MAPK10: variants seen among roughly 807,000 people sequenced by gnomAD.
MAPK10 encodes mitogen-activated protein kinase 10.
Under a neutral mutation model 59.3 loss-of-function variants are expected in MAPK10, and 25 were observed. The observed-to-expected ratio is 0.42, with a 90% confidence interval of 0.31 to 0.59. MAPK10 has a LOEUF of 0.59. Ranked by LOEUF, MAPK10 falls within the 20% of genes least tolerant of loss-of-function variation. The pLI is 0.15. For synonymous variants in MAPK10, 190 were observed against 200.5 expected, an observed-to-expected ratio of 0.95 and a Z score of 0.44; for missense variants, 351 against 568.9, an observed-to-expected ratio of 0.62 and a Z score of 3.90.
At chr4:86,116,440 T>TA (rs1305476405) in intron 4 of MAPK10, among the ~76,000 whole-genome samples, 1 of 152,254 alleles carries the variant, frequency 6.6e-6, no homozygotes, top group African/African-American at 2.4e-5. Flanking sequence ...GCCTGACTGT[T>TA]ACATCTTTCA....
chr4:86,387,148 T>C (rs1204077586), intron 1 of MAPK10, among the ~76,000 whole-genome samples: 1 of 152,160 alleles, frequency 6.6e-6, no homozygotes, highest in African/African-American at 2.4e-5. Flanking sequence ...ATGCACTTCA[T>C]GGCTGGAAAT....
chr4:86,406,234 A>C (rs547995344), intron 1 of MAPK10, among the ~76,000 whole-genome samples: 13 of 152,292 alleles, frequency 8.5e-5, no homozygotes, highest in Admixed American at 6.5e-5. Context: ...TGGCCCCTTG[A>C]CTACCTTCAC....
intron 9 of MAPK10, among the ~76,000 whole-genome samples, chr4:86,074,329 G>A (rs1418112540): frequency 6.7e-6 from 1 of 148,734 alleles, no homozygotes; most frequent in Non-Finnish European, 1.5e-5. Context: ...CACACTGATG[G>A]ATCTTGACTC....
chr4:86,066,957 A>T (rs2046868572), intron 10 of MAPK10, among the ~76,000 whole-genome samples: 1 of 152,108 alleles, frequency 6.6e-6, no homozygotes, highest in Admixed American at 6.6e-5. Context: ...AACACAGTAG[A>T]ATACATTCTT....
intron 2 of MAPK10, among the ~76,000 whole-genome samples, chr4:86,246,488 A>G (rs1367113266): frequency 1.3e-5 from 2 of 152,212 alleles, no homozygotes; most frequent in Admixed American, 1.3e-4. Flanking sequence ...AAAAACTTAT[A>G]TAATGAACAT....
chr4:86,187,756 C>A lies in MAPK10; in HGVS notation c.66+6580G>T, dbSNP rs1472268325. On this transcript the variant is annotated intron_variant, in intron 3 of 13. Coordinates refer to ENST00000641462, the MANE Select transcript of MAPK10 (RefSeq NM_138982.4). ...TAGAAACTAAACACCTATTCACTTC[C>A]ATTTCCTAAACTACTTTTTTAAAAA... is the stretch of plus-strand genomic sequence containing the variant. 2.0e-5 allele frequency among the ~76,000 whole-genome samples: 3 copies of A among 152,044 alleles called. No individual in the cohort carries two copies. The East Asian group carries it at 5.8e-4, about 29-fold the overall frequency.
intron 2 of MAPK10, among the ~76,000 whole-genome samples, chr4:86,324,665 A>G (rs2095981192): frequency 6.6e-6 from 1 of 152,208 alleles, no homozygotes. Flanking sequence ...TTCTATCTCT[A>G]TAAACCTGAG....
intron 1 of MAPK10, among the ~76,000 whole-genome samples, chr4:86,541,947 G>GCACA (rs10555824): frequency 0.035 from 4,882 of 140,420 alleles, 103 homozygotes; most frequent in African/African-American, 0.065. Context: ...GAATACACCG[G>GCACA]CACACACACA....
chr4:86,177,336 G>C (rs549851708), intron 3 of MAPK10, among the ~76,000 whole-genome samples: 12 of 152,116 alleles, frequency 7.9e-5, no homozygotes, highest in Non-Finnish European at 1.2e-4. Flanking sequence ...ACATTATGCA[G>C]GTTTTTCCTT....
chr4:86,101,844 C>T (rs778002962), intron 7 of MAPK10, 50 bp downstream of exon 7: 7 of 1,592,204 alleles, frequency 4.4e-6, no homozygotes, highest in Non-Finnish European at 4.3e-6. Flanking sequence ...TCTACAGTTA[C>T]TCTTCCTCTT....
chr4:86,485,427 C>T (rs1294910313), intron 1 of MAPK10, among the ~76,000 whole-genome samples: 1 of 152,176 alleles, frequency 6.6e-6, no homozygotes, highest in Non-Finnish European at 1.5e-5. Flanking sequence ...CTCCTCACCA[C>T]TGTATCTCCT....
At chr4:86,372,564 G>GAAAGAAAGAAAAAGA in intron 1 of MAPK10, among the ~76,000 whole-genome samples, 14 of 78,718 alleles carry the variant, frequency 1.8e-4, no homozygotes, top group East Asian at 6.8e-4. Flanking sequence ...AAGAAAGAAA[G>GAAAGAAAGAAAAAGA]AAAGAAAAGA....
chr4:86,373,136 C>T (rs541083684), intron 1 of MAPK10, among the ~76,000 whole-genome samples: 2 of 152,114 alleles, frequency 1.3e-5, no homozygotes, highest in South Asian at 2.1e-4. Flanking sequence ...TTCAACAAAC[C>T]TCACAAAAAT....
chr4:86,191,608 A>G (rs1183567883), intron 3 of MAPK10: 1 of 36,158 alleles, frequency 2.8e-5, no homozygotes, highest in East Asian at 1.5e-3. Flanking sequence ...CCATTTGTTT[A>G]GTAACTATTC....
In MAPK10 at chr4:86,056,937, T is replaced by G. The variant is rs910506077; in HGVS notation, c.1110+7329A>C. On this transcript the variant is annotated intron_variant, in intron 11 of 13. Coordinates refer to ENST00000641462, the MANE Select transcript of MAPK10 (RefSeq NM_138982.4). Reference sequence around the variant, plus strand: ...TTAGTCAGCTTGGTCAGGACTTTTTTGTTTATTTATTTTATTTTATTTTAT... The same window carrying G: ...TTAGTCAGCTTGGTCAGGACTTTTTGGTTTATTTATTTTATTTTATTTTAT... 4.5e-5 allele frequency among the ~76,000 whole-genome samples: 5 copies of G among 111,962 alleles called. 1 individual carries two copies. The highest frequency in any genetic ancestry group is 9.1e-5 in the African/African-American group (2 of 22,096). 73.5% of individuals were successfully genotyped at this position (111,962 alleles called of 152,430 possible).
chr4:86,551,189 G>A (rs1759745564), intron 1 of MAPK10, among the ~76,000 whole-genome samples: 1 of 152,142 alleles, frequency 6.6e-6, no homozygotes, highest in Non-Finnish European at 1.5e-5. Context: ...ATATGTATAT[G>A]TGTTAGCCCC....
intron 2 of MAPK10, among the ~76,000 whole-genome samples, chr4:86,293,673 G>A (rs915428313): frequency 1.3e-5 from 2 of 152,128 alleles, no homozygotes; most frequent in Non-Finnish European, 2.9e-5. Context: ...TGCTTCTGGG[G>A]AGGCCTCAGG....
chr4:86,157,423 G>A (rs1281152695), intron 4 of MAPK10, among the ~76,000 whole-genome samples: 1 of 151,812 alleles, frequency 6.6e-6, no homozygotes, highest in Non-Finnish European at 1.5e-5. Context: ...AGAAAATAAG[G>A]CAAAATAAAT....
intron 1 of MAPK10, chr4:86,357,027 A>G (rs1734869201): frequency 6.6e-6 from 1 of 152,176 alleles, no homozygotes; most frequent in Non-Finnish European, 1.5e-5. Flanking sequence ...GATTGTTGCA[A>G]TGTCCAACCA....
Sources: allele counts gnomAD v4.1 joint callset (sites outside exome capture counted in the v4.1 genomes callset), GRCh38; gene constraint gnomAD v4.1.1; transcripts MANE v1.5; gene names NCBI Gene and HGNC (gene_info 2026-07-23, HGNC 2026-07-21).